The following GALNT14 variants were observed in gnomAD, a reference collection of about 807,000 sequenced individuals.
GALNT14 encodes the protein polypeptide N-acetylgalactosaminyltransferase 14.
In GALNT14, 60 loss-of-function variants were observed where a neutral mutation model predicts 77.5. The ratio of observed to expected loss-of-function variants is 0.77; its 90% CI spans 0.63 to 0.96. The LOEUF is 0.96. GALNT14 is among the 40% of genes least tolerant of loss of function. GALNT14 has a pLI of 0.00. For missense variants in GALNT14, 710 were observed against 731.0 expected (o/e 0.97, Z 0.33); for synonymous variants, 280 against 281.7 (o/e 0.99, Z 0.06).
rs1225033306 is a variant in GALNT14 at position 31,120,005 on chromosome 2, A to C, written c.129+17953T>G. On this transcript the variant is annotated intron_variant, in intron 1 of 14. Transcript: ENST00000349752. ...CCCCGTCTCTACTAAAAATACAAAA[A>C]ATTAGCCGGGCGTGGTAGCGGGCGC... Among the ~76,000 whole-genome samples the C allele has an allele frequency of 2.4e-5, 3 of 123,316 alleles. 1 individual carries two copies. Among genetic ancestry groups the C allele is most frequent in the Non-Finnish European group, 5.6e-5 (3 of 53,392 alleles). The allele number at this position is 123,316 out of a possible 152,430, so 80.9% of individuals were successfully genotyped here. A position where few individuals can be genotyped will look rare whatever the true frequency, so the allele number is the denominator to read the frequency against.
chr2:31,129,224 T>C, intron 1 of GALNT14: 1 of 336,246 alleles, frequency 3.0e-6, no homozygotes, highest in South Asian at 1.2e-4. Flanking sequence ...CCTACCCTGC[T>C]ATCACCTCAG....
At chr2:30,964,157 G>A (rs1241986501) in intron 3 of GALNT14, among the ~76,000 whole-genome samples, 2 of 152,172 alleles carry the variant, frequency 1.3e-5, no homozygotes, top group Admixed American at 6.5e-5. Context: ...CCTGGAAAGC[G>A]AGGGGCCTCT....
At chr2:30,993,735 C>T (rs1320684401) in intron 1 of GALNT14, among the ~76,000 whole-genome samples, 3 of 152,198 alleles carry the variant, frequency 2.0e-5, no homozygotes, top group Non-Finnish European at 4.4e-5. Context: ...TCACCCAAAC[C>T]TTCTGAACTG....
intron 1 of GALNT14, among the ~76,000 whole-genome samples, chr2:31,021,368 G>A (rs1314834029): frequency 6.7e-6 from 1 of 149,924 alleles, no homozygotes; most frequent in Non-Finnish European, 1.5e-5. Flanking sequence ...GCAGTGGTGT[G>A]ATCTCGGCTC....
chr2:30,933,752 C>T (rs1665887305), intron 9 of GALNT14, among the ~76,000 whole-genome samples: 1 of 152,198 alleles, frequency 6.6e-6, no homozygotes, highest in African/African-American at 2.4e-5. Flanking sequence ...TCAGCAGGCC[C>T]AAGTCCGCAG....
chr2:31,068,020 C>A (rs1261562828), intron 1 of GALNT14, among the ~76,000 whole-genome samples: 1 of 152,146 alleles, frequency 6.6e-6, no homozygotes, highest in East Asian at 1.9e-4. Context: ...AGCTCAGGAG[C>A]CACCCCTTCC....
chr2:31,009,081 T>C (rs1411147239), intron 1 of GALNT14, among the ~76,000 whole-genome samples: 1 of 152,240 alleles, frequency 6.6e-6, no homozygotes, highest in African/African-American at 2.4e-5. Context: ...ACTTCATTCA[T>C]TCACTTCATG....
chr2:30,986,979 GAGACCAT>G (rs1295451270), intron 2 of GALNT14: 3 of 152,206 alleles, frequency 2.0e-5, no homozygotes, highest in Non-Finnish European at 4.4e-5. Context: ...CTGGAATGAA[GAGACCAT>G]AAATGGAAGA....
At chr2:30,906,393 G>T (rs1359331169), downstream of GALNT14, among the ~76,000 whole-genome samples, 2 of 149,266 alleles carry the variant, frequency 1.3e-5, no homozygotes, top group African/African-American at 5.0e-5. Context: ...ACAAAAAAAA[G>T]GCAGGGGTTG....
At chr2:30,987,131 C>T (rs1669346758) in intron 2 of GALNT14, 1 of 152,152 alleles carries the variant, frequency 6.6e-6, no homozygotes, top group South Asian at 2.1e-4. Flanking sequence ...CTCAGGGGTA[C>T]CTTGTTCTTG....
chr2:30,993,106 T>C (rs1669819684), intron 1 of GALNT14, 99 bp from the exon 2 acceptor site: 5 of 1,261,168 alleles, frequency 4.0e-6, no homozygotes, highest in Non-Finnish European at 3.3e-6. Context: ...AGGCTTATTC[T>C]GGCAAGGTTT....
rs187852254 is a variant in GALNT14 at position 30,961,867 on chromosome 2, T to G, written c.399-3403A>C. On this transcript the variant is annotated intron_variant, in intron 3 of 14. Transcript: ENST00000349752. ...CAGCTAATTTTTTGGTTTTTTTGTT[T>G]TTTTTAGTAGAGACGGGGTTTCACC... 3.2e-3 allele frequency among the ~76,000 whole-genome samples: 493 copies of G among 152,150 alleles called. 4 individuals carry two copies. Among genetic ancestry groups the G allele is most frequent in the African/African-American group, 0.011 (477 of 41,506 alleles).
At chr2:31,043,100 G>A (rs1488620322) in intron 1 of GALNT14, among the ~76,000 whole-genome samples, 1 of 152,096 alleles carries the variant, frequency 6.6e-6, no homozygotes, top group African/African-American at 2.4e-5. Context: ...CTGTTCGTCA[G>A]ATGCTCCAAG....
chr2:30,926,482 T>C (rs112285860), intron 11 of GALNT14, among the ~76,000 whole-genome samples: 19 of 152,170 alleles, frequency 1.2e-4, no homozygotes, highest in African/African-American at 4.3e-4. Flanking sequence ...TAGTTGATAA[T>C]TGGATAGAAG....
rs140857215 is a variant in GALNT14, at chr2:30,939,713, G to A, written c.931+2488C>T. 3.9e-4 allele frequency among the ~76,000 whole-genome samples: 59 copies of A among 152,290 alleles called. 1 individual carries two copies. In the East Asian group the frequency reaches 0.01, roughly 27 times the overall value. On this transcript the variant is annotated intron_variant, in intron 9 of 14. Coordinates refer to ENST00000349752, the MANE Select transcript of GALNT14 (RefSeq NM_024572.4). The stretch of plus-strand genomic sequence containing the variant: ...AGAGAAGGCGACGGATGTGAGTGAT[G>A]CTGAGGGCAGTTGATCTGCAGGACT...
chr2:31,121,651 G>A (rs1678420360), intron 1 of GALNT14, among the ~76,000 whole-genome samples: 2 of 152,046 alleles, frequency 1.3e-5, no homozygotes, highest in Non-Finnish European at 2.9e-5. Context: ...AGACCTCGCT[G>A]CCCACTGCCG....
chr2:30,924,016 T>C, intron 13 of GALNT14, 103 bp downstream of exon 13: 1 of 1,268,852 alleles, frequency 7.9e-7, no homozygotes, highest in Non-Finnish European at 1.1e-6. Context: ...TGGGAATAAA[T>C]GGGCATCTGA....
intron 1 of GALNT14, among the ~76,000 whole-genome samples, chr2:31,076,028 T>C (rs1050673353): frequency 6.6e-6 from 1 of 152,208 alleles, no homozygotes; most frequent in African/African-American, 2.4e-5. Flanking sequence ...CCTATCCGTC[T>C]ACCTGGTCAG....
At chr2:31,030,295 C>T (rs552162791) in intron 1 of GALNT14, among the ~76,000 whole-genome samples, 2 of 152,070 alleles carry the variant, frequency 1.3e-5, no homozygotes, top group African/African-American at 2.4e-5. Flanking sequence ...CCACTCCTCT[C>T]GTGGAAATCA....
Sources: allele counts gnomAD v4.1 joint callset (sites outside exome capture counted in the v4.1 genomes callset), GRCh38; gene constraint gnomAD v4.1.1; transcripts MANE v1.5; gene names NCBI Gene and HGNC (gene_info 2026-07-23, HGNC 2026-07-21).